The following PWP1 variants were observed in gnomAD, a reference collection of about 807,000 sequenced individuals.
PWP1 encodes the protein periodic tryptophan protein 1 homolog.
In PWP1, 47 loss-of-function variants were observed where a neutral mutation model predicts 69.9. The observed-to-expected ratio is 0.67, with a 90% CI of 0.53 to 0.86. The LOEUF is 0.86. Among genes scored for constraint, PWP1 ranks in the 40% least tolerant of loss-of-function variants. The probability of loss-of-function intolerance (pLI) is 0.00; values close to 1 mark genes in which losing one functional copy is unlikely to be tolerated. For synonymous variants in PWP1, 222 were observed against 208.2 expected, an observed-to-expected ratio of 1.07 and a Z score of -0.57; for missense variants, 551 against 608.8, an observed-to-expected ratio of 0.91 and a Z score of 1.00.
rs1405966160 is a variant in PWP1 at position 107,704,716 on chromosome 12, C to G, written c.1046C>G (p.Thr349Ser). Residue 349 changes from threonine (T) to serine (S), a missense_variant, in exon 11 of 15, where the codon ACT becomes AGT. Physicochemically the swap from Thr to Ser is moderately conservative, Grantham distance 58 (BLOSUM62 1). Transcript: ENST00000412830. Reference protein sequence around the residue: ...WRFSGQIERVTWNHFSPCHFL... With the variant: ...WRFSGQIERVSWNHFSPCHFL... The stretch of plus-strand genomic sequence containing the variant: ...TTCAGTGGGCAGATAGAGAGAGTGA[C>G]TTGGAATCACTTTTCACCTTGTCAT... The G allele has an allele frequency of 1.9e-6, 3 of 1,613,892 alleles. No individual in the cohort carries two copies. The East Asian group carries it at 6.7e-5, about 36-fold the overall frequency.
At position 107,712,971 on chromosome 12, in the gene PWP1, T is replaced by G. The variant is rs1235863676; in HGVS notation, c.*751T>G. The G allele has an allele frequency of 1.3e-5, 2 of 152,228 alleles. No homozygotes were observed. The highest frequency in any genetic ancestry group is 3.2e-3 in the Middle Eastern group (1 of 316). 9.4% of individuals were successfully genotyped at this position (152,228 alleles called of 1,614,324 possible). A position where few individuals can be genotyped will look rare whatever the true frequency, so the allele number is the denominator to read the frequency against. ...AAAAATCGTAATTAGTTTGATAATATGAGACCCAACCCTAACTTGCCAGAA... is the reference window on the plus strand; with the variant it reads ...AAAAATCGTAATTAGTTTGATAATAGGAGACCCAACCCTAACTTGCCAGAA... On this transcript the variant is annotated 3_prime_UTR_variant, in exon 15 of 15. Transcript: ENST00000412830.
chr12:107,702,332 G>A (rs998541820), intron 8 of PWP1, among the ~76,000 whole-genome samples: 1 of 151,996 alleles, frequency 6.6e-6, no homozygotes, highest in Non-Finnish European at 1.5e-5. Context: ...TCAGGCTGGA[G>A]TCCAGTGACG....
intron 8 of PWP1, among the ~76,000 whole-genome samples, chr12:107,702,426 A>G (rs549283461): frequency 6.6e-6 from 1 of 152,060 alleles, no homozygotes; most frequent in African/African-American, 2.4e-5. Flanking sequence ...GATTACAGGC[A>G]TGCGCCACCA....
At position 107,685,836 on chromosome 12, in the gene PWP1, T is replaced by TGC. The variant is rs1157664870; in HGVS notation, c.-62_-61dup. ...CAGATCCCTGAGCGTGTGGCAGCAG[T>TGC]GCGGTCGTGGTCCCTCCCTATGCAG... On this transcript the variant is annotated 5_prime_UTR_variant, in exon 1 of 15. Coordinates refer to ENST00000412830, the MANE Select transcript of PWP1 (RefSeq NM_007062.3). 1.9e-6 allele frequency: 3 copies of TGC among 1,558,000 alleles called. No individual in the cohort carries two copies. The African/African-American group carries it at 4.1e-5, about 21-fold the overall frequency.
Position 107,710,385 on chromosome 12 carries a change from T to G in PWP1, c.1291-20T>G. ...CTTTCTGAAGAGATTGAAATCACCA[T>G]CTTCCTGTTCTCTCTCTAGGGAGTT... On this transcript the variant is annotated intron_variant, in intron 13 of 14. Coordinates refer to ENST00000412830, the MANE Select transcript of PWP1 (RefSeq NM_007062.3). 6.2e-7 allele frequency: 1 copy of G among 1,611,578 alleles called. No individual in the cohort carries two copies. The highest frequency in any genetic ancestry group is 8.5e-7 in the Non-Finnish European group (1 of 1,178,884).
intron 7 of PWP1, among the ~76,000 whole-genome samples, chr12:107,698,930 C>T (rs1446842399): frequency 6.6e-6 from 1 of 152,102 alleles, no homozygotes; most frequent in African/African-American, 2.4e-5. Flanking sequence ...AACAGGGAGA[C>T]AAGGTTTTAT....
chr12:107,709,085 A>C (rs1194746394), intron 12 of PWP1, 26 bp from the exon 13 acceptor site: 2 of 1,613,834 alleles, frequency 1.2e-6, no homozygotes, highest in South Asian at 2.2e-5. Flanking sequence ...TTCAAAGCGA[A>C]AGTGTCTAAA....
intron 5 of PWP1, 149 bp from the exon 6 acceptor site, chr12:107,696,325 G>A (rs769490977): frequency 7.1e-5 from 87 of 1,226,204 alleles, no homozygotes; most frequent in Non-Finnish European, 8.7e-5. Context: ...GAGCCACTGC[G>A]CCCAGCCTGG....
At chr12:107,692,788 T>C (rs1323029006) in intron 3 of PWP1, 26 bp from the exon 4 acceptor site, 4 of 1,557,586 alleles carry the variant, frequency 2.6e-6, no homozygotes, top group Non-Finnish European at 3.5e-6. Flanking sequence ...TATTTTATTA[T>C]TGTAGTTTGT....
At chr12:107,686,071 TG>T in intron 1 of PWP1, 100 bp downstream of exon 1, 3 of 1,302,800 alleles carry the variant, frequency 2.3e-6, no homozygotes, top group Non-Finnish European at 3.3e-6. Context: ...GGGCGTTGGC[TG>T]GTGCGACTGG....
chr12:107,687,715 G>A (rs924491840), intron 1 of PWP1, among the ~76,000 whole-genome samples: 3 of 152,028 alleles, frequency 2.0e-5, no homozygotes, highest in Non-Finnish European at 4.4e-5. Flanking sequence ...GCAGGGAGCT[G>A]TGACCATGCC....
chr12:107,689,024 A>G (rs1440546925), intron 3 of PWP1, among the ~76,000 whole-genome samples: 2 of 152,288 alleles, frequency 1.3e-5, no homozygotes, highest in East Asian at 3.9e-4. Flanking sequence ...AGTACTGTGT[A>G]TTTTATTGCA....
chr12:107,702,612 G>T (rs1889735201), intron 8 of PWP1, among the ~76,000 whole-genome samples: 1 of 152,230 alleles, frequency 6.6e-6, no homozygotes, highest in African/African-American at 2.4e-5. Flanking sequence ...TAAAAAGAAA[G>T]AAAAAAGTCA....
At chr12:107,687,750 G>A (rs545520779) in intron 1 of PWP1, among the ~76,000 whole-genome samples, 1 of 151,962 alleles carries the variant, frequency 6.6e-6, no homozygotes, top group Non-Finnish European at 1.5e-5. Context: ...TTAAAATTAA[G>A]GCCGGGCACG....
rs776701941 is a variant in PWP1 at position 107,696,528 on chromosome 12, C to T, written c.557C>T (p.Ala186Val). 8 of 1,613,996 alleles carry T rather than the reference C, an allele frequency of 5.0e-6. No individual in the cohort carries two copies. Among genetic ancestry groups the T allele is most frequent in the Non-Finnish European group, 6.8e-6 (8 of 1,179,998 alleles). Residue 186 changes from alanine to valine, a missense_variant, in exon 6 of 15, where the codon GCA (alanine) becomes GTA (valine). Coordinates refer to ENST00000412830, the MANE Select transcript of PWP1 (RefSeq NM_007062.3). ...FYVHHDILLS[A>V]YPLSVEWLNF... Reference sequence around the variant, plus strand: ...GTACACCATGATATACTCTTGTCTGCATATCCTCTGAGTGTGGAATGGCTG... The same window carrying T: ...GTACACCATGATATACTCTTGTCTGTATATCCTCTGAGTGTGGAATGGCTG...
chr12:107,689,128 C>T (rs544181563), intron 3 of PWP1, among the ~76,000 whole-genome samples: 16 of 152,276 alleles, frequency 1.1e-4, no homozygotes, highest in African/African-American at 3.9e-4. Context: ...TATACCTTTT[C>T]CTCAACTGCA....
At chr12:107,704,807 ATAG>A (rs200797884) in intron 11 of PWP1, 60 bp downstream of exon 11, 17,420 of 1,362,170 alleles carry the variant, frequency 0.013, 161 homozygotes, top group Non-Finnish European at 0.015. Context: ...TTTAAATTCC[ATAG>A]TAGAGAGAAT....
chr12:107,686,858 C>G (rs1219408352), intron 1 of PWP1, among the ~76,000 whole-genome samples: 2 of 150,014 alleles, frequency 1.3e-5, no homozygotes, highest in East Asian at 3.9e-4. Flanking sequence ...CCCAGCTACT[C>G]GGGAGGCTGA....
Position 107,704,616 on chromosome 12 carries a change from C to T in PWP1, c.966-20C>T. ...GAGAATTGAACTCTTAAAACCCTAA[C>T]TTTGCCTGAATGTGTCTAGGTCAGT... On this transcript the variant is annotated intron_variant, in intron 10 of 14. Transcript: ENST00000412830. 3 of 1,592,948 alleles carry T rather than the reference C, an allele frequency of 1.9e-6. No individual in the cohort carries two copies. Among genetic ancestry groups the T allele is most frequent in the South Asian group, 2.2e-5 (2 of 90,128 alleles).
Sources: allele counts gnomAD v4.1 joint callset (sites outside exome capture counted in the v4.1 genomes callset), GRCh38; gene constraint gnomAD v4.1.1; transcripts MANE v1.5; gene names NCBI Gene and HGNC (gene_info 2026-07-23, HGNC 2026-07-21).